The following ASH1L variants were observed in gnomAD, a reference collection of about 807,000 sequenced individuals.
The protein encoded by ASH1L is ASH1 like histone lysine methyltransferase, also known as histone-lysine N-methyltransferase ASH1L.
Under a neutral mutation model 269.0 loss-of-function variants are expected in ASH1L, and 23 were observed. The observed-to-expected ratio is 0.09, with a 90% CI of 0.06 to 0.12. The LOEUF (loss-of-function observed/expected upper bound fraction) is 0.12. Among genes scored for constraint, ASH1L ranks in the 10% least tolerant of loss-of-function variants. ASH1L has a pLI of 1.00. For missense variants in ASH1L, 2,912 were observed against 3,567.8 expected (o/e 0.82, Z 4.68); for synonymous variants, 1,187 against 1,253.5 (o/e 0.95, Z 1.12).
At chr1:155,398,104 T>C in intron 6 of ASH1L, among the ~76,000 whole-genome samples, 1 of 152,250 alleles carries the variant, frequency 6.6e-6, no homozygotes, top group Non-Finnish European at 1.5e-5. Flanking sequence ...AAGACTGTTA[T>C]GATCTGAGTC....
chr1:155,505,307 C>A (rs1472672661), intron 2 of ASH1L, among the ~76,000 whole-genome samples: 2 of 152,148 alleles, frequency 1.3e-5, no homozygotes, highest in African/African-American at 2.4e-5. Flanking sequence ...TAAGCATGAG[C>A]CCTTCTTTGC....
chr1:155,562,631 T>A lies in ASH1L; in HGVS notation c.-578A>T. The stretch of plus-strand genomic sequence containing the variant: ...ACGCGTACGAGTGTCTACGGGCTCG[T>A]CGCTGGCTGCTCCCACCAACCACCA... On this transcript the variant is annotated 5_prime_UTR_variant, in exon 1 of 28. Coordinates refer to ENST00000392403, the MANE Select transcript of ASH1L (RefSeq NM_018489.3). 6.6e-7 allele frequency: 1 copy of A among 1,526,366 alleles called. No homozygotes were observed. Among genetic ancestry groups the A allele is most frequent in the Non-Finnish European group, 8.8e-7 (1 of 1,140,750 alleles). 94.6% of individuals were successfully genotyped at this position (1,526,366 alleles called of 1,614,324 possible).
intron 2 of ASH1L, among the ~76,000 whole-genome samples, chr1:155,507,261 C>T (rs1415221303): frequency 1.4e-5 from 2 of 145,930 alleles, no homozygotes; most frequent in African/African-American, 5.1e-5. Context: ...GCCTGGCCAA[C>T]AAGAGCGAAA....
At chr1:155,528,000 A>G (rs749608296) in intron 1 of ASH1L, among the ~76,000 whole-genome samples, 1 of 152,160 alleles carries the variant, frequency 6.6e-6, no homozygotes, top group Admixed American at 6.5e-5. Flanking sequence ...CCAAATGACC[A>G]GATCCAGTCT....
At chr1:155,346,158 C>T (rs900897930) in intron 21 of ASH1L, 1 of 1,436,604 alleles carries the variant, frequency 7.0e-7, no homozygotes, top group East Asian at 3.1e-5. Context: ...TATATAGTGC[C>T]ATTCCTTCCA....
At chr1:155,443,296 C>G (rs1380414687) in intron 4 of ASH1L, among the ~76,000 whole-genome samples, 7 of 152,268 alleles carry the variant, frequency 4.6e-5, no homozygotes, top group Middle Eastern at 3.4e-3. Flanking sequence ...GGCCATTCAC[C>G]TAGAGCTATT....
rs974635425 is a variant in ASH1L at position 155,557,731 on chromosome 1, T to C, written c.-100+4422A>G. Among the ~76,000 whole-genome samples the C allele has an allele frequency of 2.6e-5, 4 of 152,162 alleles. No homozygotes were observed. The South Asian group carries it at 8.3e-4, about 31-fold the overall frequency. ...ACAAGCAATAAGAAAATCTAGCCTCTTCATATGAAAAAATATAAATGAAAA... is the reference window on the plus strand; with the variant it reads ...ACAAGCAATAAGAAAATCTAGCCTCCTCATATGAAAAAATATAAATGAAAA... On this transcript the variant is annotated intron_variant, in intron 1 of 27. Coordinates refer to ENST00000392403, the MANE Select transcript of ASH1L (RefSeq NM_018489.3).
Position 155,487,539 on chromosome 1 carries a change from T to G in ASH1L, c.421-5090A>C, listed in dbSNP as rs1221699301. 2.0e-5 allele frequency among the ~76,000 whole-genome samples: 3 copies of G among 152,140 alleles called. 1 individual carries two copies. In the East Asian group the frequency reaches 5.8e-4, roughly 29 times the overall value. Reference sequence around the variant, plus strand: ...AGCCACCATGTCTGGCTAATTTTTTTGTGTTGTTTTTTGTTTTTTGGTTTT... The same window carrying G: ...AGCCACCATGTCTGGCTAATTTTTTGGTGTTGTTTTTTGTTTTTTGGTTTT... On this transcript the variant is annotated intron_variant, in intron 2 of 27. Transcript: ENST00000392403.
intron 6 of ASH1L, among the ~76,000 whole-genome samples, chr1:155,413,607 CAACA>C (rs1024283358): frequency 6.6e-5 from 10 of 152,096 alleles, no homozygotes; most frequent in East Asian, 5.8e-4. Flanking sequence ...AACTCCATCG[CAACA>C]AACAAACAAA....
chr1:155,443,310 A>G (rs963446592), intron 4 of ASH1L, among the ~76,000 whole-genome samples: 14 of 152,148 alleles, frequency 9.2e-5, no homozygotes, highest in African/African-American at 3.1e-4. Flanking sequence ...AGCTATTAAT[A>G]CCTCACACTT....
At chr1:155,462,127 C>T (rs1252655129) in intron 3 of ASH1L, among the ~76,000 whole-genome samples, 1 of 152,066 alleles carries the variant, frequency 6.6e-6, no homozygotes, top group African/African-American at 2.4e-5. Flanking sequence ...ATAGTCTTTT[C>T]TCTCAGTAAT....
intron 4 of ASH1L, among the ~76,000 whole-genome samples, chr1:155,450,061 G>A (rs1398196913): frequency 6.6e-6 from 1 of 152,166 alleles, no homozygotes; most frequent in East Asian, 1.9e-4. Flanking sequence ...GTTGACAGAT[G>A]TTATTTTTCC....
At chr1:155,434,089 T>A in intron 5 of ASH1L, 3 of 1,592,466 alleles carry the variant, frequency 1.9e-6, no homozygotes, top group Middle Eastern at 3.3e-4. Flanking sequence ...CTGCTGGGTC[T>A]CCTTTCTCAG....
intron 6 of ASH1L, among the ~76,000 whole-genome samples, chr1:155,411,738 C>A (rs1659827861): frequency 6.7e-6 from 1 of 149,978 alleles, no homozygotes; most frequent in East Asian, 2.0e-4. Context: ...CTCCTGTCTT[C>A]CTTTCACCTA....
intron 13 of ASH1L, 80 bp downstream of exon 13, chr1:155,360,221 T>C: frequency 1.0e-6 from 1 of 974,908 alleles, no homozygotes; most frequent in Non-Finnish European, 1.6e-6. Flanking sequence ...TCCAAGTCAA[T>C]CATGTTTACA....
rs375668916 is a variant in ASH1L, at chr1:155,338,250, C to A, written c.8642G>T (p.Arg2881Leu). 7 of 1,614,038 alleles carry A rather than the reference C, an allele frequency of 4.3e-6. No individual in the cohort carries two copies. In the South Asian group the frequency reaches 7.7e-5, roughly 18 times the overall value. ...ACTGACGTTAGCAGTGGCCCCTTCC[C>A]GTTCTGGCTCCTCCAGGCTGGGTAT... ...NEIPSLEEPE[R>L]EGATANVSEG... The change falls in exon 27 of 28, where the codon CGG becomes CTG. Residue 2881 changes from arginine to leucine, a missense_variant. Physicochemically the swap from Arg to Leu is moderately radical, Grantham distance 102 (BLOSUM62 -2). Coordinates refer to ENST00000392403, the MANE Select transcript of ASH1L (RefSeq NM_018489.3).
intron 12 of ASH1L, among the ~76,000 whole-genome samples, chr1:155,366,982 G>A (rs1315989492): frequency 6.8e-6 from 1 of 145,986 alleles, no homozygotes; most frequent in African/African-American, 2.5e-5. Flanking sequence ...AGCCTGTAAT[G>A]GGTTTGGTTT....
intron 1 of ASH1L, among the ~76,000 whole-genome samples, chr1:155,549,216 G>A (rs1222762403): frequency 6.6e-6 from 1 of 152,132 alleles, no homozygotes; most frequent in Non-Finnish European, 1.5e-5. Context: ...TGTGTCGTGA[G>A]CCTGTAATCC....
intron 2 of ASH1L, among the ~76,000 whole-genome samples, chr1:155,514,514 TG>T (rs1169966615): frequency 8.5e-5 from 13 of 152,104 alleles, no homozygotes; most frequent in African/African-American, 2.9e-4. Flanking sequence ...TCTCACTTTA[TG>T]TTTTTTTGCT....
Sources: allele counts gnomAD v4.1 joint callset (sites outside exome capture counted in the v4.1 genomes callset), GRCh38; gene constraint gnomAD v4.1.1; transcripts MANE v1.5; gene names NCBI Gene and HGNC (gene_info 2026-07-23, HGNC 2026-07-21).